The following RSBN1L variants were observed in gnomAD, a reference collection of about 807,000 sequenced individuals.
The protein encoded by RSBN1L is round spermatid basic protein 1 like.
Under a neutral mutation model 67.7 loss-of-function variants are expected in RSBN1L, and 30 were observed. The observed-to-expected ratio is 0.44, with a 90% CI of 0.33 to 0.60. The LOEUF (loss-of-function observed/expected upper bound fraction) is 0.60, where lower values mean the gene tolerates loss of function less well. Among genes scored for constraint, RSBN1L ranks in the 20% least tolerant of loss-of-function variants. The pLI, the probability that RSBN1L is intolerant of heterozygous loss-of-function variation, is 0.02. For synonymous variants in RSBN1L, 433 were observed against 387.0 expected (o/e 1.12, Z -1.39); for missense variants, 992 against 1,031.7 (o/e 0.96, Z 0.53).
At chr7:77,746,958 T>C (rs1408551835) in intron 2 of RSBN1L, among the ~76,000 whole-genome samples, 1 of 152,196 alleles carries the variant, frequency 6.6e-6, no homozygotes, top group African/African-American at 2.4e-5. Context: ...CCCCTGTGGC[T>C]GTGTAGGGTT....
intron 2 of RSBN1L, among the ~76,000 whole-genome samples, chr7:77,746,174 G>A (rs777355384): frequency 9.2e-5 from 14 of 152,120 alleles, no homozygotes; most frequent in African/African-American, 2.4e-4. Flanking sequence ...AGAAGTACCC[G>A]AGACTGGGTA....
At chr7:77,720,634 T>G (rs1298029400) in intron 1 of RSBN1L, among the ~76,000 whole-genome samples, 1 of 152,172 alleles carries the variant, frequency 6.6e-6, no homozygotes, top group Non-Finnish European at 1.5e-5. Flanking sequence ...TTAAGTAACT[T>G]GCTTCATGTC....
intron 5 of RSBN1L, among the ~76,000 whole-genome samples, chr7:77,772,725 C>T (rs946356759): frequency 2.0e-5 from 3 of 151,832 alleles, no homozygotes; most frequent in Non-Finnish European, 4.4e-5. Flanking sequence ...TCACTGGCCC[C>T]AGTTCTTAGA....
At chr7:77,723,494 G>T (rs1382057922) in intron 1 of RSBN1L, among the ~76,000 whole-genome samples, 1 of 151,846 alleles carries the variant, frequency 6.6e-6, no homozygotes, top group African/African-American at 2.4e-5. Context: ...TTTTGAGATA[G>T]GGTCTCACTC....
chr7:77,751,581 T>A (rs560082713), intron 3 of RSBN1L, among the ~76,000 whole-genome samples: 1 of 152,356 alleles, frequency 6.6e-6, no homozygotes, highest in Non-Finnish European at 1.5e-5. Context: ...CCCAAAATGG[T>A]GAGTTACTTG....
chr7:77,715,505 C>T (rs889684156), intron 1 of RSBN1L, among the ~76,000 whole-genome samples: 1 of 151,910 alleles, frequency 6.6e-6, no homozygotes, highest in Non-Finnish European at 1.5e-5. Flanking sequence ...ATGGGGGGCT[C>T]ACCATGTTGG....
intron 3 of RSBN1L, among the ~76,000 whole-genome samples, chr7:77,752,684 T>C (rs568152922): frequency 2.6e-4 from 39 of 152,304 alleles, no homozygotes; most frequent in African/African-American, 9.4e-4. Flanking sequence ...AGTATACATA[T>C]TATAAATGTA....
At chr7:77,745,767 A>G (rs1363604309) in intron 2 of RSBN1L, among the ~76,000 whole-genome samples, 1 of 152,222 alleles carries the variant, frequency 6.6e-6, no homozygotes, top group East Asian at 1.9e-4. Context: ...ATATGTAATG[A>G]AATAATTATA....
At chr7:77,706,283 GTCC>G (rs561776822) in intron 1 of RSBN1L, among the ~76,000 whole-genome samples, 97 of 152,162 alleles carry the variant, frequency 6.4e-4, no homozygotes, top group African/African-American at 2.3e-3. Context: ...TCACCATGTT[GTCC>G]AGGCTGGTTT....
At chr7:77,731,673 G>T (rs983984166) in intron 1 of RSBN1L, among the ~76,000 whole-genome samples, 12 of 152,048 alleles carry the variant, frequency 7.9e-5, no homozygotes, top group African/African-American at 2.7e-4. Context: ...CCTTGACTGT[G>T]TCTTCTGCAG....
intron 1 of RSBN1L, among the ~76,000 whole-genome samples, chr7:77,735,246 C>T (rs1186294270): frequency 6.6e-6 from 1 of 152,060 alleles, no homozygotes; most frequent in African/African-American, 2.4e-5. Flanking sequence ...CTATTCAACA[C>T]TTAAAGTGAA....
intron 4 of RSBN1L, chr7:77,768,240 A>ATTTTG (rs910441342): frequency 1.3e-5 from 2 of 154,462 alleles, no homozygotes; most frequent in East Asian, 3.8e-4. Flanking sequence ...ATATGTTTTG[A>ATTTTG]TTTTGTTTTG....
chr7:77,723,151 A>C (rs1791145334), intron 1 of RSBN1L, among the ~76,000 whole-genome samples: 1 of 151,740 alleles, frequency 6.6e-6, no homozygotes, highest in Non-Finnish European at 1.5e-5. Context: ...TTTTTAGTAG[A>C]GATGGGGTTT....
At chr7:77,739,302 A>G (rs941404376) in intron 2 of RSBN1L, among the ~76,000 whole-genome samples, 3 of 152,126 alleles carry the variant, frequency 2.0e-5, no homozygotes, top group Admixed American at 6.5e-5. Context: ...TCTTCTGTTA[A>G]TGATAATGTT....
At chr7:77,701,151 CAAAAA>C (rs1221326900) in intron 1 of RSBN1L, among the ~76,000 whole-genome samples, 2 of 88,736 alleles carry the variant, frequency 2.3e-5, no homozygotes, top group Non-Finnish European at 4.6e-5. Flanking sequence ...GACTCTGGCT[CAAAAA>C]AAAAAAAAAA....
chr7:77,755,455 A>G (rs771572130), intron 3 of RSBN1L, among the ~76,000 whole-genome samples: 4 of 152,118 alleles, frequency 2.6e-5, no homozygotes, highest in Admixed American at 6.5e-5. Context: ...ACCTGAGGTC[A>G]GGAGTTAAGA....
chr7:77,746,267 G>A (rs957821664), intron 2 of RSBN1L, among the ~76,000 whole-genome samples: 3 of 152,080 alleles, frequency 2.0e-5, no homozygotes, highest in Non-Finnish European at 2.9e-5. Context: ...CTCAGCTTTC[G>A]GGAGGCCTCA....
intron 4 of RSBN1L, 81 bp downstream of exon 4, chr7:77,765,713 A>G (rs2150431503): frequency 2.8e-6 from 3 of 1,062,868 alleles, no homozygotes; most frequent in South Asian, 2.0e-5. Context: ...CTAAATTGTG[A>G]TTGTTTCTTT....
intron 1 of RSBN1L, among the ~76,000 whole-genome samples, chr7:77,720,774 T>C (rs1157138985): frequency 6.9e-6 from 1 of 143,896 alleles, no homozygotes; most frequent in Non-Finnish European, 1.5e-5. Context: ...TTTTTTTTTT[T>C]TTTTTTTTTG....
Sources: gnomAD v4.1 joint callset for allele counts (sites outside exome capture counted in the v4.1 genomes callset) on GRCh38, gnomAD v4.1.1 for gene constraint, MANE v1.5 for transcripts, NCBI Gene and HGNC (gene_info 2026-07-23, HGNC 2026-07-21) for gene names.